CISTR: variants seen among roughly 807,000 people sequenced by gnomAD.
CISTR encodes chondrogenesis-associated transcript.
intron 1 of CISTR, among the ~76,000 whole-genome samples, chr12:53,752,744 C>G (rs1937869366): frequency 1.3e-5 from 2 of 152,188 alleles, no homozygotes; most frequent in South Asian, 4.1e-4. Flanking sequence ...GCACTAGGCT[C>G]TGATTGCAAG....
chr12:53,753,626 A>G (rs879498028), intron 1 of CISTR, among the ~76,000 whole-genome samples: 2 of 151,212 alleles, frequency 1.3e-5, no homozygotes, highest in Non-Finnish European at 2.9e-5. Context: ...GGGATGGCTA[A>G]TGTGAACCTT....
intron 1 of CISTR, among the ~76,000 whole-genome samples, chr12:53,753,052 T>TCACACACACACA (rs760615546): frequency 8.0e-4 from 97 of 121,314 alleles, no homozygotes; most frequent in East Asian, 2.4e-3. Flanking sequence ...CATCTATACA[T>TCACACACACACA]CACACACACA....
intron 2 of CISTR, among the ~76,000 whole-genome samples, chr12:53,749,335 C>A (rs1937819622): frequency 1.3e-5 from 2 of 150,978 alleles, no homozygotes; most frequent in African/African-American, 4.9e-5. Context: ...AGACAGGGAG[C>A]AGAGAGTGCC....
chr12:53,754,661 T>G (rs978149814), intron 1 of CISTR, among the ~76,000 whole-genome samples: 3 of 152,208 alleles, frequency 2.0e-5, no homozygotes, highest in Admixed American at 6.5e-5. Flanking sequence ...GCTTTAAAAA[T>G]CATCCTCCTC....
At chr12:53,750,149 G>A (rs190121832) in intron 2 of CISTR, among the ~76,000 whole-genome samples, 4 of 152,282 alleles carry the variant, frequency 2.6e-5, no homozygotes, top group Admixed American at 2.0e-4. Flanking sequence ...AAGTTACCCC[G>A]TTGACATTCA....
In CISTR at chr12:53,756,001, C is replaced by T. The variant is rs1937910296; in HGVS notation, n.414+813G>A. On this transcript the variant is annotated intron_variant and non_coding_transcript_variant, in intron 1 of 2. Coordinates refer to ENST00000669269, the Ensembl canonical transcript of CISTR. This position sits in a 1 kb window ranked among gnomAD's most constrained non-coding sequence, Gnocchi z 4.0. ...CTCCTCCTAAGTGTCTTACTAATTA[C>T]AAACAGAGAAAGCCTGGTCTGTGAA... 6.6e-6 allele frequency: 1 copy of T among 152,226 alleles called. No homozygotes were observed. Among genetic ancestry groups the T allele is most frequent in the Non-Finnish European group, 1.5e-5 (1 of 68,054 alleles). 9.4% of individuals were successfully genotyped at this position (152,226 alleles called of 1,614,324 possible).
At chr12:53,750,689 T>C (rs745992605) in exon 2 of CISTR, 29 of 153,292 alleles carry the variant, frequency 1.9e-4, no homozygotes, top group South Asian at 1.7e-3. Context: ...GGCATGTGGC[T>C]ATGCCTGAAT....
At chr12:53,750,452 T>G (rs1937834726) in exon 2 of CISTR, 1 of 152,586 alleles carries the variant, frequency 6.6e-6, no homozygotes, top group South Asian at 2.1e-4. Flanking sequence ...GAAGTCAGGC[T>G]GGGTGATCTG....
At chr12:53,755,705 T>C (rs544626895) in intron 1 of CISTR, 108 of 152,480 alleles carry the variant, frequency 7.1e-4, no homozygotes, top group African/African-American at 2.4e-3. Context: ...AGGGCGTCTC[T>C]GGAGGGTCCC....
chr12:53,748,339 G>GA (rs1937806116), intron 2 of CISTR, among the ~76,000 whole-genome samples: 1 of 152,226 alleles, frequency 6.6e-6, no homozygotes, highest in African/African-American at 2.4e-5. Flanking sequence ...GGCAGGAAAA[G>GA]AGGCAGAGAA....
chr12:53,750,766 T>G (rs1011811090), exon 2 of CISTR: 1 of 153,224 alleles, frequency 6.5e-6, no homozygotes, highest in Non-Finnish European at 1.5e-5. Flanking sequence ...TTTTTGTGTA[T>G]TTTACTTGGC....
chr12:53,752,737 C>CT (rs1296004507), intron 1 of CISTR, among the ~76,000 whole-genome samples: 11 of 152,322 alleles, frequency 7.2e-5, no homozygotes, highest in African/African-American at 2.6e-4. Context: ...AACAAATGCA[C>CT]TAGGCTCTGA....
intron 1 of CISTR, among the ~76,000 whole-genome samples, chr12:53,753,766 G>A (rs1414828170): frequency 9.6e-6 from 1 of 104,464 alleles, no homozygotes; most frequent in African/African-American, 3.9e-5. Flanking sequence ...GAGGATGCAG[G>A]GCTTGGGAGG....
intron 1 of CISTR, among the ~76,000 whole-genome samples, chr12:53,752,868 C>T (rs536909629): frequency 2.0e-5 from 3 of 152,142 alleles, no homozygotes; most frequent in African/African-American, 4.8e-5. Flanking sequence ...CTAAGGGACA[C>T]GTCAACCCGC....
In CISTR at chr12:53,756,561, T is replaced by A. The variant is rs1937915899; in HGVS notation, n.414+253A>T. On this transcript the variant is annotated intron_variant and non_coding_transcript_variant, in intron 1 of 2. Coordinates refer to ENST00000669269, the Ensembl canonical transcript of CISTR. The surrounding 1 kb of genome is among the most constrained non-coding windows in gnomAD (Gnocchi z 4.0). ...ACGTGAGCCACTGCACTTGGCCTCT[T>A]TCAGGTTTCAGATGAGGAAATGGAG... Among the ~76,000 whole-genome samples, 1 of 152,168 alleles carries A rather than the reference T, an allele frequency of 6.6e-6. No homozygotes were observed. The highest frequency in any genetic ancestry group is 2.1e-4 in the South Asian group (1 of 4,834).
At chr12:53,746,485 G>A (rs1166141379) in exon 3 of CISTR, among the ~76,000 whole-genome samples, 1 of 152,110 alleles carries the variant, frequency 6.6e-6, no homozygotes, top group East Asian at 1.9e-4. Flanking sequence ...GAGGAGCGTG[G>A]GTGTCATCTG....
intron 1 of CISTR, among the ~76,000 whole-genome samples, chr12:53,753,213 C>T (rs777457126): frequency 3.3e-5 from 5 of 152,258 alleles, no homozygotes; most frequent in East Asian, 3.9e-4. Context: ...GCAGAATCAG[C>T]GAGTCGCACA....
chr12:53,748,831 G>T (rs1270085171), intron 2 of CISTR, among the ~76,000 whole-genome samples: 1 of 152,174 alleles, frequency 6.6e-6, no homozygotes, highest in Admixed American at 6.5e-5. Flanking sequence ...AAGGAAATGA[G>T]AGTGATGGTG....
exon 2 of CISTR, chr12:53,750,547 A>G (rs1937836360): frequency 6.6e-6 from 1 of 152,152 alleles, no homozygotes; most frequent in Non-Finnish European, 1.5e-5. Context: ...GTGCACTCAC[A>G]CTTGTCTGGA....
Sources: gnomAD v4.1 joint callset for allele counts (sites outside exome capture counted in the v4.1 genomes callset) on GRCh38, gnomAD v4.1.1 for gene constraint, Gnocchi (gnomAD v3.1) non-coding constraint, MANE v1.5 for transcripts, NCBI Gene and HGNC (gene_info 2026-07-23, HGNC 2026-07-21) for gene names.